Variants in GLIS3 observed in about 807,000 individuals in gnomAD.
The protein encoded by GLIS3 is GLIS family zinc finger 3, also known as zinc finger protein GLIS3.
Under a neutral mutation model 78.6 loss-of-function variants are expected in GLIS3, and 53 were observed. The ratio of observed to expected loss-of-function variants is 0.67; its 90% CI spans 0.54 to 0.85. The LOEUF is 0.85. GLIS3 is among the 40% of genes least tolerant of loss of function. The pLI, the probability that GLIS3 is intolerant of heterozygous loss-of-function variation, is 0.00. For missense variants in GLIS3, 1,703 were observed against 1,231.1 expected (o/e 1.38, Z -5.74); for synonymous variants, 684 against 509.9 (o/e 1.34, Z -4.60).
rs574744695 is a variant in GLIS3 at position 4,157,374 on chromosome 9, G to A, written c.389-31433C>T. ...GAAAATTCTCCGAGCTCTCAACAGG[G>A]CACGATTTTGCATGTAGTTGAAAAA... On this transcript the variant is annotated intron_variant, in intron 2 of 10. Coordinates refer to ENST00000381971, the MANE Select transcript of GLIS3 (RefSeq NM_001042413.2). Among the ~76,000 whole-genome samples the A allele has an allele frequency of 2.6e-5, 4 of 152,228 alleles. No individual in the cohort carries two copies. The South Asian group carries it at 8.3e-4, about 32-fold the overall frequency.
intron 8 of GLIS3, among the ~76,000 whole-genome samples, chr9:3,864,153 A>G (rs950787231): frequency 6.6e-6 from 1 of 152,200 alleles, no homozygotes; most frequent in Non-Finnish European, 1.5e-5. Flanking sequence ...TATGAAAAAA[A>G]AATCTGCAAT....
intron 2 of GLIS3, among the ~76,000 whole-genome samples, chr9:4,209,534 G>C (rs865854238): frequency 6.6e-6 from 1 of 152,174 alleles, no homozygotes; most frequent in Non-Finnish European, 1.5e-5. Context: ...CAACAAGTCT[G>C]TGCTATTCTC....
chr9:4,323,502 A>G (rs1278798052), intron 2 of GLIS3, among the ~76,000 whole-genome samples: 1 of 152,102 alleles, frequency 6.6e-6, no homozygotes, highest in African/African-American at 2.4e-5. Flanking sequence ...ATATTCCATT[A>G]TGTGAATGCC....
intron 2 of GLIS3, among the ~76,000 whole-genome samples, chr9:4,141,538 C>T (rs1486414370): frequency 6.6e-6 from 1 of 152,200 alleles, no homozygotes; most frequent in Non-Finnish European, 1.5e-5. Context: ...TCTGTGTCAC[C>T]TTGGTAGTGT....
intron 9 of GLIS3, among the ~76,000 whole-genome samples, chr9:3,846,144 C>A (rs1275269348): frequency 6.6e-6 from 1 of 152,206 alleles, no homozygotes; most frequent in African/African-American, 2.4e-5. Context: ...TTGCAAATCA[C>A]AGCACCTCTA....
intron 4 of GLIS3, among the ~76,000 whole-genome samples, chr9:4,045,922 T>C (rs924874114): frequency 1.3e-5 from 2 of 152,130 alleles, no homozygotes; most frequent in Non-Finnish European, 2.9e-5. Flanking sequence ...CTAAAAATTA[T>C]ATAGAGGTCG....
intron 2 of GLIS3, among the ~76,000 whole-genome samples, chr9:4,285,309 A>C (rs1009628348): frequency 6.6e-6 from 1 of 152,242 alleles, no homozygotes; most frequent in Non-Finnish European, 1.5e-5. Context: ...TCGCTCAAAT[A>C]ACTTGCTATT....
chr9:4,400,811 T>G, the GLIS3 span, among the ~76,000 whole-genome samples: 1 of 152,322 alleles, frequency 6.6e-6, no homozygotes, highest in Non-Finnish European at 1.5e-5. Context: ...AGATGCACCC[T>G]GGGCCAAAAG....
At chr9:4,150,944 G>C (rs1414042645) in intron 2 of GLIS3, 1 of 152,172 alleles carries the variant, frequency 6.6e-6, no homozygotes, top group Non-Finnish European at 1.5e-5. Flanking sequence ...AAATACCTCT[G>C]AGGCAGTTAA....
In GLIS3 at chr9:4,247,220, T is replaced by C. The variant is rs1174557049; in HGVS notation, c.388+38818A>G. Among the ~76,000 whole-genome samples, 6 of 152,176 alleles carry C rather than the reference T, an allele frequency of 3.9e-5. No individual in the cohort carries two copies. In the South Asian group the frequency reaches 6.2e-4, roughly 16 times the overall value. ...ACTACTTGAATTCTCTTAATAGCTG[T>C]TTTCCCTATGCTAACAGACTCATCA... is the stretch of plus-strand genomic sequence containing the variant. On this transcript the variant is annotated intron_variant, in intron 2 of 10. Transcript: ENST00000381971.
chr9:3,862,269 T>G (rs1485582538), intron 8 of GLIS3, among the ~76,000 whole-genome samples: 1 of 152,102 alleles, frequency 6.6e-6, no homozygotes, highest in Non-Finnish European at 1.5e-5. Context: ...TGAAGAAGAT[T>G]CCTGAGGGCA....
intron 2 of GLIS3, among the ~76,000 whole-genome samples, chr9:4,195,800 C>A (rs1017881566): frequency 6.6e-6 from 1 of 152,236 alleles, no homozygotes; most frequent in African/African-American, 2.4e-5. Flanking sequence ...GATGCACCAA[C>A]AGGCACTCTG....
At chr9:4,025,014 C>T (rs191267262) in intron 4 of GLIS3, among the ~76,000 whole-genome samples, 5 of 152,010 alleles carry the variant, frequency 3.3e-5, no homozygotes, top group East Asian at 1.9e-4. Context: ...TTTGGGAGGC[C>T]GAAGCGGGCA....
chr9:4,257,334 G>A (rs1022488919), intron 2 of GLIS3, among the ~76,000 whole-genome samples: 4 of 151,996 alleles, frequency 2.6e-5, no homozygotes, highest in African/African-American at 7.2e-5. Context: ...AGTGGGGTGG[G>A]GATGTGAGAT....
intron 1 of GLIS3, among the ~76,000 whole-genome samples, chr9:4,289,874 C>T (rs914159118): frequency 1.3e-5 from 2 of 152,126 alleles, no homozygotes; most frequent in African/African-American, 4.8e-5. Context: ...TTCTGTAAAT[C>T]AGGTCAGAGA....
chr9:4,266,000 G>A (rs975919442), intron 2 of GLIS3, among the ~76,000 whole-genome samples: 1 of 151,810 alleles, frequency 6.6e-6, no homozygotes, highest in Non-Finnish European at 1.5e-5. Flanking sequence ...CTCACTGCAA[G>A]CTCCGCCTCC....
At chr9:4,267,748 T>C (rs974315848) in intron 2 of GLIS3, among the ~76,000 whole-genome samples, 2 of 152,208 alleles carry the variant, frequency 1.3e-5, no homozygotes, top group African/African-American at 4.8e-5. Context: ...TTCAGCTTCC[T>C]CATTTTACAA....
chr9:4,488,758 T>A, the GLIS3 span, among the ~76,000 whole-genome samples: 1 of 152,196 alleles, frequency 6.6e-6, no homozygotes, highest in Admixed American at 6.5e-5. Context: ...CCTCAAGTGA[T>A]CCGCCTGCCT....
chr9:4,070,413 C>G (rs1285801351), intron 4 of GLIS3, among the ~76,000 whole-genome samples: 1 of 152,112 alleles, frequency 6.6e-6, no homozygotes, highest in Non-Finnish European at 1.5e-5. Flanking sequence ...AAGGCTATGT[C>G]CCTAGACACA....
Sources: gnomAD v4.1 joint callset for allele counts (sites outside exome capture counted in the v4.1 genomes callset) on GRCh38, gnomAD v4.1.1 for gene constraint, MANE v1.5 for transcripts, NCBI Gene and HGNC (gene_info 2026-07-23, HGNC 2026-07-21) for gene names.